ME1: variants seen among roughly 807,000 people sequenced by gnomAD.
ME1 encodes the protein malic enzyme 1.
A neutral mutation model predicts 66.4 loss-of-function variants in ME1; 74 were observed. The ratio of observed to expected loss-of-function variants is 1.11; its 90% CI spans 0.92 to 1.35. The LOEUF (loss-of-function observed/expected upper bound fraction) is 1.35, where lower values mean the gene tolerates loss of function less well. Ranked by LOEUF, ME1 falls within the 40% of genes most tolerant of loss-of-function variation. ME1 has a pLI of 0.00. For missense variants in ME1, 750 were observed against 694.1 expected (o/e 1.08, Z -0.90); for synonymous variants, 251 against 235.6 (o/e 1.07, Z -0.60).
chr6:83,281,806 C>CAAAAAAAAAAAAAAAAAAAAAAAAA (rs140157932), intron 6 of ME1, among the ~76,000 whole-genome samples: 14 of 13,284 alleles, frequency 1.1e-3, no homozygotes, highest in African/African-American at 1.6e-3. Context: ...ACTCTGTCTC[C>CAAAAAAAAAAAAAAAAAAAAAAAAA]AAAAAAAAAA....
chr6:83,279,627 C>A (rs1010952351), intron 6 of ME1, among the ~76,000 whole-genome samples: 3 of 151,964 alleles, frequency 2.0e-5, no homozygotes, highest in African/African-American at 7.3e-5. Context: ...AAAAAAATAA[C>A]AGAATAGCCA....
chr6:83,369,647 CAG>C (rs1483373706), intron 3 of ME1, among the ~76,000 whole-genome samples: 1 of 126,190 alleles, frequency 7.9e-6, no homozygotes, highest in East Asian at 2.3e-4. Flanking sequence ...AAAAGAGAGA[CAG>C]AGAGAGGAAG....
intron 5 of ME1, among the ~76,000 whole-genome samples, chr6:83,320,890 T>C (rs1768157683): frequency 1.3e-5 from 2 of 152,182 alleles, no homozygotes; most frequent in East Asian, 3.9e-4. Context: ...ACAGCTCCGG[T>C]CTGCAGCTCC....
rs1236828013 is a variant in ME1 at position 83,318,218 on chromosome 6, T to A, written c.601-2805A>T. ...AAAACCCTAGAAGAAAACCTAGGCA[T>A]TACCATTCAGGACATAGGCATGGGC... On this transcript the variant is annotated intron_variant, in intron 5 of 13. Coordinates refer to ENST00000369705, the MANE Select transcript of ME1 (RefSeq NM_002395.6). Among the ~76,000 whole-genome samples the A allele has an allele frequency of 1.2e-4, 17 of 136,240 alleles. No individual in the cohort carries two copies. The East Asian group carries it at 1.6e-3, about 13-fold the overall frequency. 89.4% of individuals were successfully genotyped at this position (136,240 alleles called of 152,430 possible).
At chr6:83,311,869 G>A (rs765105862) in intron 6 of ME1, among the ~76,000 whole-genome samples, 17 of 151,994 alleles carry the variant, frequency 1.1e-4, no homozygotes, top group Non-Finnish European at 1.9e-4. Flanking sequence ...GATAATTAAC[G>A]GAATCTTGCA....
chr6:83,229,040 G>A, intron 9 of ME1, 109 bp from the exon 10 acceptor site: 1 of 702,940 alleles, frequency 1.4e-6, no homozygotes, highest in African/African-American at 1.8e-5. Context: ...TATGTATGAT[G>A]TGTTACAGCT....
At chr6:83,329,383 G>T (rs535813433) in intron 5 of ME1, among the ~76,000 whole-genome samples, 1 of 152,206 alleles carries the variant, frequency 6.6e-6, no homozygotes, top group Non-Finnish European at 1.5e-5. Context: ...TATGATGAAA[G>T]CTTTCGTGTC....
intron 3 of ME1, chr6:83,392,293 C>T: frequency 2.0e-6 from 1 of 505,568 alleles, no homozygotes; most frequent in South Asian, 1.4e-5. Context: ...CCTTCATTGA[C>T]CTCAACAACA....
At chr6:83,235,724 G>A (rs1455922156) in intron 9 of ME1, among the ~76,000 whole-genome samples, 7 of 151,892 alleles carry the variant, frequency 4.6e-5, no homozygotes, top group Admixed American at 1.3e-4. Context: ...CACCCGCCTC[G>A]GCCTCCCAAA....
At chr6:83,392,472 C>T in intron 3 of ME1, 1 of 516,314 alleles carries the variant, frequency 1.9e-6, no homozygotes, top group Non-Finnish European at 3.8e-6. Flanking sequence ...GCCTGGTCAC[C>T]AGGGCTGCTT....
At chr6:83,305,074 A>T (rs1313733718) in intron 6 of ME1, among the ~76,000 whole-genome samples, 1 of 152,200 alleles carries the variant, frequency 6.6e-6, no homozygotes, top group African/African-American at 2.4e-5. Context: ...AATAAAAATA[A>T]GACATGTTTA....
At chr6:83,279,629 G>C (rs1767253121) in intron 6 of ME1, among the ~76,000 whole-genome samples, 1 of 152,120 alleles carries the variant, frequency 6.6e-6, no homozygotes, top group Admixed American at 6.5e-5. Flanking sequence ...AAAAATAACA[G>C]AATAGCCAAG....
At chr6:83,285,247 T>C (rs1193978421) in intron 6 of ME1, among the ~76,000 whole-genome samples, 1 of 152,190 alleles carries the variant, frequency 6.6e-6, no homozygotes, top group Non-Finnish European at 1.5e-5. Flanking sequence ...TCTCTTTTAT[T>C]CTTTTGCCTG....
chr6:83,256,014 C>G (rs934626286), intron 6 of ME1, among the ~76,000 whole-genome samples: 2 of 152,088 alleles, frequency 1.3e-5, no homozygotes, highest in Admixed American at 6.6e-5. Flanking sequence ...ATATTTAGTA[C>G]TGTTAATCAT....
At position 83,211,883 on chromosome 6, in the gene ME1, T is replaced by C; in HGVS notation, c.*41A>G. The stretch of plus-strand genomic sequence containing the variant: ...CAACCTTTAAAAATTATGAAAGGTT[T>C]AAAGACCTCATTAATAGAGTTAGAA... On this transcript the variant is annotated 3_prime_UTR_variant, in exon 14 of 14. Transcript: ENST00000369705. The C allele has an allele frequency of 7.2e-7, 1 of 1,385,072 alleles. No individual in the cohort carries two copies. Among genetic ancestry groups the C allele is most frequent in the Non-Finnish European group, 9.7e-7 (1 of 1,034,682 alleles). The allele number at this position is 1,385,072 out of a possible 1,614,324, so 85.8% of individuals were successfully genotyped here. A position where few individuals can be genotyped will look rare whatever the true frequency, so the allele number is the denominator to read the frequency against.
intron 1 of ME1, among the ~76,000 whole-genome samples, chr6:83,416,888 T>G (rs866610966): frequency 7.1e-6 from 1 of 141,760 alleles, no homozygotes; most frequent in African/African-American, 2.5e-5. Context: ...AGAGTGAGAT[T>G]TGTCTAAAAA....
chr6:83,214,185 A>G (rs1789949939), intron 13 of ME1, among the ~76,000 whole-genome samples: 1 of 152,190 alleles, frequency 6.6e-6, no homozygotes, highest in South Asian at 2.1e-4. Flanking sequence ...TTAATTTTAT[A>G]ATAAAACACA....
intron 7 of ME1, among the ~76,000 whole-genome samples, chr6:83,248,752 T>A (rs1289752065): frequency 1.3e-5 from 2 of 152,186 alleles, no homozygotes; most frequent in African/African-American, 4.8e-5. Flanking sequence ...CCTTCTACGA[T>A]GATTGTAAGT....
intron 7 of ME1, among the ~76,000 whole-genome samples, chr6:83,244,265 C>CTTA (rs1304979286): frequency 6.6e-6 from 1 of 152,058 alleles, no homozygotes; most frequent in Admixed American, 6.6e-5. Flanking sequence ...AGTCACCTTA[C>CTTA]AGTAAAGACT....
Sources: gnomAD v4.1 joint callset for allele counts (sites outside exome capture counted in the v4.1 genomes callset) on GRCh38, gnomAD v4.1.1 for gene constraint, MANE v1.5 for transcripts, NCBI Gene and HGNC (gene_info 2026-07-23, HGNC 2026-07-21) for gene names.